Variants in COG5 observed in about 807,000 individuals in gnomAD.
COG5 encodes the protein conserved oligomeric Golgi complex subunit 5.
In COG5, 86 loss-of-function variants were observed where a neutral mutation model predicts 110.4. The ratio of observed to expected loss-of-function variants is 0.78; its 90% CI spans 0.65 to 0.93. The LOEUF (loss-of-function observed/expected upper bound fraction) is 0.93. COG5 is among the 40% of genes least tolerant of loss of function. The probability of loss-of-function intolerance (pLI) is 0.00; values close to 1 mark genes in which losing one functional copy is unlikely to be tolerated. For missense variants in COG5, 1,077 were observed against 987.0 expected (o/e 1.09, Z -1.22); for synonymous variants, 360 against 334.6 (o/e 1.08, Z -0.83).
intron 10 of COG5, among the ~76,000 whole-genome samples, chr7:107,342,411 C>T (rs1811243718): frequency 6.7e-6 from 1 of 149,384 alleles, no homozygotes; most frequent in African/African-American, 2.5e-5. Context: ...GGTGCGGTGG[C>T]TCACACCTAT....
chr7:107,559,050 CAG>C (rs1365854640), intron 1 of COG5, among the ~76,000 whole-genome samples: 3 of 151,556 alleles, frequency 2.0e-5, no homozygotes, highest in African/African-American at 7.3e-5. Context: ...TTTATGGCCT[CAG>C]ATATCTCTAG....
At chr7:107,316,979 T>G (rs187744677) in intron 11 of COG5, among the ~76,000 whole-genome samples, 348 of 152,292 alleles carry the variant, frequency 2.3e-3, no homozygotes, top group African/African-American at 7.8e-3. Flanking sequence ...TTAATCACTA[T>G]TTAAATCATC....
chr7:107,208,074 A>G (rs1798903770), intron 21 of COG5: 2 of 985,332 alleles, frequency 2.0e-6, no homozygotes, highest in African/African-American at 3.5e-5. Flanking sequence ...TGCAAGAACA[A>G]AATTGTTTTG....
At chr7:107,276,661 A>G (rs1804725833) in intron 14 of COG5, among the ~76,000 whole-genome samples, 1 of 152,146 alleles carries the variant, frequency 6.6e-6, no homozygotes, top group African/African-American at 2.4e-5. Context: ...AAAAACAAAC[A>G]AAAAACCCCA....
At chr7:107,379,137 A>T (rs541534932) in intron 7 of COG5, among the ~76,000 whole-genome samples, 3 of 152,328 alleles carry the variant, frequency 2.0e-5, no homozygotes, top group Middle Eastern at 3.4e-3. Flanking sequence ...AAAGAAAAGA[A>T]TTTTCAACCC....
chr7:107,223,252 G>A (rs781042431), intron 19 of COG5, among the ~76,000 whole-genome samples: 23 of 152,166 alleles, frequency 1.5e-4, no homozygotes, highest in Non-Finnish European at 3.1e-4. Context: ...CTCTGCACAG[G>A]ACACAATGAG....
At chr7:107,273,785 TAA>T (rs1020928238) in intron 14 of COG5, among the ~76,000 whole-genome samples, 2 of 151,654 alleles carry the variant, frequency 1.3e-5, no homozygotes, top group African/African-American at 4.8e-5. Context: ...ACTCAGAGAC[TAA>T]AAAAACTTCA....
chr7:107,441,740 T>C (rs577182692), intron 6 of COG5, among the ~76,000 whole-genome samples: 1 of 152,350 alleles, frequency 6.6e-6, no homozygotes, highest in African/African-American at 2.4e-5. Flanking sequence ...GTATCTCTTC[T>C]GGCATTTACT....
At chr7:107,476,649 T>C (rs1263949346) in intron 6 of COG5, among the ~76,000 whole-genome samples, 2 of 151,710 alleles carry the variant, frequency 1.3e-5, no homozygotes, top group Non-Finnish European at 3.0e-5. Context: ...TAATAATCTA[T>C]CGATAAGTGT....
chr7:107,442,492 G>GTT (rs5886415), intron 6 of COG5, among the ~76,000 whole-genome samples: 1 of 145,764 alleles, frequency 6.9e-6, no homozygotes, highest in African/African-American at 2.5e-5. Context: ...GTTTTTTGTT[G>GTT]TTTTTTTTTT....
At chr7:107,222,803 G>T (rs1334979638) in intron 19 of COG5, among the ~76,000 whole-genome samples, 1 of 152,132 alleles carries the variant, frequency 6.6e-6, no homozygotes, top group Non-Finnish European at 1.5e-5. Flanking sequence ...ATCATTCTTA[G>T]AGCATAATAT....
chr7:107,547,996 C>A, intron 5 of COG5, 115 bp downstream of exon 5: 1 of 867,192 alleles, frequency 1.2e-6, no homozygotes. Flanking sequence ...TTCTCCTTTT[C>A]TCTTACCTTC....
intron 11 of COG5, among the ~76,000 whole-genome samples, chr7:107,322,336 C>A (rs1717346462): frequency 6.6e-6 from 1 of 152,144 alleles, no homozygotes; most frequent in African/African-American, 2.4e-5. Context: ...AGTCTATGAA[C>A]CAGGAAGCAG....
intron 6 of COG5, among the ~76,000 whole-genome samples, chr7:107,470,926 A>T (rs1433464372): frequency 6.6e-6 from 1 of 151,902 alleles, no homozygotes; most frequent in East Asian, 1.9e-4. Flanking sequence ...ATCTTATGAA[A>T]TCTGTTTTAA....
At chr7:107,516,420 T>C (rs1799927743) in intron 6 of COG5, among the ~76,000 whole-genome samples, 1 of 152,260 alleles carries the variant, frequency 6.6e-6, no homozygotes, top group Non-Finnish European at 1.5e-5. Flanking sequence ...GTTTGTCTTT[T>C]TATTCTCGTA....
intron 10 of COG5, among the ~76,000 whole-genome samples, chr7:107,325,354 A>C (rs1276830242): frequency 6.6e-6 from 1 of 152,242 alleles, no homozygotes; most frequent in African/African-American, 2.4e-5. Context: ...CATATGGTTC[A>C]AAGTAATATT....
intron 8 of COG5, among the ~76,000 whole-genome samples, chr7:107,365,772 G>C (rs1223131696): frequency 6.6e-6 from 1 of 151,936 alleles, no homozygotes; most frequent in Non-Finnish European, 1.5e-5. Flanking sequence ...GGCTTAAATA[G>C]CTTTACTGGT....
intron 6 of COG5, among the ~76,000 whole-genome samples, chr7:107,425,054 A>G (rs1241321843): frequency 6.6e-6 from 1 of 152,164 alleles, no homozygotes; most frequent in African/African-American, 2.4e-5. Context: ...AGAATATAAT[A>G]TATAACATTT....
chr7:107,351,531 A>C (rs1196585310), intron 10 of COG5, among the ~76,000 whole-genome samples: 2 of 152,190 alleles, frequency 1.3e-5, no homozygotes, highest in South Asian at 2.1e-4. Context: ...CAACCTACAG[A>C]ATGGGAGAAA....
Sources: allele counts gnomAD v4.1 joint callset (sites outside exome capture counted in the v4.1 genomes callset), GRCh38; gene constraint gnomAD v4.1.1; transcripts MANE v1.5; gene names NCBI Gene and HGNC (gene_info 2026-07-23, HGNC 2026-07-21).